Variants in TAF15 observed in about 807,000 individuals in gnomAD.
TAF15 encodes the protein TATA-box binding protein associated factor 15.
A neutral mutation model predicts 102.5 loss-of-function variants in TAF15; 37 were observed. The observed-to-expected ratio is 0.36, with a 90% CI of 0.28 to 0.47. The LOEUF is 0.47. Among genes scored for constraint, TAF15 ranks in the 20% least tolerant of loss-of-function variants. The pLI is 0.99. For synonymous variants in TAF15, 273 were observed against 259.2 expected, an observed-to-expected ratio of 1.05 and a Z score of -0.51; for missense variants, 652 against 760.7, an observed-to-expected ratio of 0.86 and a Z score of 1.68.
At chr17:35,830,918 G>C (rs1014242483) in intron 7 of TAF15, among the ~76,000 whole-genome samples, 1 of 152,148 alleles carries the variant, frequency 6.6e-6, no homozygotes, top group Admixed American at 6.5e-5. Context: ...CCCTTATTTT[G>C]TTAAGGAGAT....
In TAF15 at chr17:35,837,637, C is replaced by G. The variant is rs1273698114; in HGVS notation, c.784-787C>G. Among the ~76,000 whole-genome samples the G allele has an allele frequency of 3.3e-5, 5 of 151,690 alleles. No homozygotes were observed. The East Asian group carries it at 7.9e-4, about 24-fold the overall frequency. ...GGTCAGGAGATCAAGACCATCCTGG[C>G]TAACACGATGAAACCCTGTCTCTAC... On this transcript the variant is annotated intron_variant, in intron 10 of 15. Coordinates refer to ENST00000605844, the MANE Select transcript of TAF15 (RefSeq NM_139215.3).
chr17:35,816,803 A>AC (rs1421026763), intron 1 of TAF15: 2 of 43,318 alleles, frequency 4.6e-5, no homozygotes, highest in Non-Finnish European at 1.0e-4. Context: ...TACCACCCCC[A>AC]CCCCACCCCC....
intron 11 of TAF15, among the ~76,000 whole-genome samples, chr17:35,839,703 A>T (rs889857915): frequency 6.6e-6 from 1 of 152,114 alleles, no homozygotes; most frequent in African/African-American, 2.4e-5. Flanking sequence ...TTTAACAGAA[A>T]GTAGAAGAAA....
chr17:35,830,283 C>CA (rs1183007503), intron 7 of TAF15: 3 of 152,148 alleles, frequency 2.0e-5, no homozygotes, highest in Non-Finnish European at 4.4e-5. Flanking sequence ...GACACCATCT[C>CA]AAAAAACAAA....
chr17:35,832,002 C>T (rs1025494010), intron 7 of TAF15, among the ~76,000 whole-genome samples: 1 of 152,134 alleles, frequency 6.6e-6, no homozygotes, highest in East Asian at 1.9e-4. Context: ...GGCATGAACC[C>T]GGGAGGCGGA....
At chr17:35,832,562 C>T (rs4796113) in intron 7 of TAF15, among the ~76,000 whole-genome samples, 14,398 of 151,918 alleles carry the variant, frequency 0.095, 879 homozygotes, top group East Asian at 0.22. Flanking sequence ...CCCCACCCCC[C>T]ATAAGATTGG....
intron 1 of TAF15, among the ~76,000 whole-genome samples, chr17:35,814,130 C>T (rs2087162206): frequency 6.6e-6 from 1 of 151,718 alleles, no homozygotes; most frequent in South Asian, 2.1e-4. Flanking sequence ...TGGTCTTGAA[C>T]TCCTCAGCTC....
Position 35,809,574 on chromosome 17 carries a change from C to A in TAF15, c.5C>A (p.Ser2Ter). The A allele has an allele frequency of 6.2e-7, 1 of 1,613,468 alleles. No individual in the cohort carries two copies. The stretch of plus-strand genomic sequence containing the variant: ...TCCGCGCCGCGGCCGTTAGTCATGT[C>A]GGGTAGGTGACTTCTTCAGCGAGCA... The part of the protein sequence containing the change: M[S>*]DSGSYGQSGG... The change falls in exon 1 of 16, where the codon TCG becomes TAG. Residue 2 changes from serine (S) to a stop codon, truncating the protein, a stop_gained and splice_region_variant. Transcript: ENST00000605844. LOFTEE classifies it high-confidence loss of function.
intron 10 of TAF15, 32 bp downstream of exon 10, chr17:35,836,273 A>G: frequency 7.1e-7 from 1 of 1,399,924 alleles, no homozygotes; most frequent in South Asian, 1.2e-5. Context: ...TGAAAATCTC[A>G]TAATTAATGT....
At chr17:35,832,376 A>G (rs2087417822) in intron 7 of TAF15, among the ~76,000 whole-genome samples, 1 of 152,222 alleles carries the variant, frequency 6.6e-6, no homozygotes, top group Admixed American at 6.5e-5. Flanking sequence ...GTAACAACAA[A>G]TTAAAATGCA....
At chr17:35,824,448 A>G (rs1406927255) in intron 7 of TAF15, among the ~76,000 whole-genome samples, 2 of 152,216 alleles carry the variant, frequency 1.3e-5, no homozygotes, top group Non-Finnish European at 2.9e-5. Context: ...TAGAGAAACA[A>G]CTATGGTTGT....
chr17:35,819,960 G>A, intron 2 of TAF15, 64 bp from the exon 3 acceptor site: 1 of 1,431,982 alleles, frequency 7.0e-7, no homozygotes, highest in Non-Finnish European at 9.8e-7. Context: ...ATGAAGGCAA[G>A]GTCTTCATTT....
chr17:35,822,209 C>T (rs554299248), intron 5 of TAF15, among the ~76,000 whole-genome samples: 98 of 151,950 alleles, frequency 6.4e-4, no homozygotes, highest in Non-Finnish European at 1.2e-3. Flanking sequence ...GGCGTGGTGG[C>T]ACATGCCTGT....
chr17:35,834,508 G>T, intron 8 of TAF15, 58 bp from the exon 9 acceptor site: 1 of 1,544,288 alleles, frequency 6.5e-7, no homozygotes, highest in African/African-American at 1.4e-5. Flanking sequence ...TATTTTTTTT[G>T]TTAATGATTT....
At chr17:35,823,654 G>A (rs1463599060) in intron 6 of TAF15, 4 of 202,472 alleles carry the variant, frequency 2.0e-5, no homozygotes, top group South Asian at 7.1e-5. Context: ...GCAGTGAGCC[G>A]AGATTGCATC....
At chr17:35,826,918 C>A (rs1200122873) in intron 7 of TAF15, among the ~76,000 whole-genome samples, 1 of 150,930 alleles carries the variant, frequency 6.6e-6, no homozygotes. Context: ...GTCATAACAT[C>A]TTTTTAAAGA....
In TAF15 at chr17:35,839,326, T is replaced by A. The variant is rs1188330236; in HGVS notation, c.913+773T>A. Among the ~76,000 whole-genome samples, 7 of 148,964 alleles carry A rather than the reference T, an allele frequency of 4.7e-5. No individual in the cohort carries two copies. The East Asian group carries it at 7.8e-4, about 17-fold the overall frequency. ...ATAAATAAAGTAAAATTTAGGCTAA[T>A]TTCCCTTCAAATATAAAGTTAATAC... is the stretch of plus-strand genomic sequence containing the variant. On this transcript the variant is annotated intron_variant, in intron 11 of 15. Transcript: ENST00000605844.
chr17:35,809,784 C>T (rs1019901145), intron 1 of TAF15: 2 of 661,770 alleles, frequency 3.0e-6, no homozygotes, highest in African/African-American at 1.8e-5. Context: ...GCGGGAGCGC[C>T]TCGGGCCTCT....
intron 12 of TAF15, among the ~76,000 whole-genome samples, chr17:35,843,472 C>G (rs983005818): frequency 2.6e-5 from 4 of 151,982 alleles, no homozygotes; most frequent in Non-Finnish European, 5.9e-5. Flanking sequence ...TTTTCTTTTT[C>G]TGTTTTGTGG....
Sources: allele counts gnomAD v4.1 joint callset (sites outside exome capture counted in the v4.1 genomes callset), GRCh38; gene constraint gnomAD v4.1.1; transcripts MANE v1.5; gene names NCBI Gene and HGNC (gene_info 2026-07-23, HGNC 2026-07-21).